ADAM12: variants seen among roughly 807,000 people sequenced by gnomAD.
The protein encoded by ADAM12 is disintegrin and metalloproteinase domain-containing protein 12.
Under a neutral mutation model 106.4 loss-of-function variants are expected in ADAM12, and 70 were observed. That is an observed-to-expected ratio of 0.66 (90% CI 0.54 to 0.80). The LOEUF is 0.80. ADAM12 is among the 30% of genes least tolerant of loss of function. ADAM12 has a pLI of 0.00. For synonymous variants in ADAM12, 420 were observed against 433.5 expected, an observed-to-expected ratio of 0.97 and a Z score of 0.39; for missense variants, 1,010 against 1,171.9, an observed-to-expected ratio of 0.86 and a Z score of 2.02.
chr10:126,276,798 C>T (rs1289863428), intron 3 of ADAM12, among the ~76,000 whole-genome samples: 1 of 152,114 alleles, frequency 6.6e-6, no homozygotes, highest in East Asian at 1.9e-4. Flanking sequence ...GAGATTATCT[C>T]ATGAAAGACT....
intron 1 of ADAM12, among the ~76,000 whole-genome samples, chr10:126,353,739 A>G: frequency 6.6e-6 from 1 of 152,250 alleles, no homozygotes; most frequent in East Asian, 1.9e-4. Flanking sequence ...GGTCCTGCTC[A>G]TGTATCTTTC....
intron 1 of ADAM12, among the ~76,000 whole-genome samples, chr10:126,384,452 C>T (rs930480354): frequency 2.0e-4 from 31 of 152,200 alleles, no homozygotes; most frequent in African/African-American, 6.7e-4. Flanking sequence ...TGATTCAACA[C>T]AGGAAGGATG....
At chr10:126,056,215 G>T in intron 14 of ADAM12, among the ~76,000 whole-genome samples, 1 of 152,194 alleles carries the variant, frequency 6.6e-6, no homozygotes. Context: ...ACATGAGGGA[G>T]TGAGGGATGC....
chr10:126,258,201 C>A (rs1341266914), intron 3 of ADAM12, among the ~76,000 whole-genome samples: 1 of 152,176 alleles, frequency 6.6e-6, no homozygotes, highest in Non-Finnish European at 1.5e-5. Flanking sequence ...ATTCAGATTG[C>A]TTTCTGCACT....
intron 5 of ADAM12, among the ~76,000 whole-genome samples, chr10:126,134,569 T>G (rs1956369992): frequency 6.6e-6 from 1 of 152,192 alleles, no homozygotes; most frequent in Admixed American, 6.5e-5. Context: ...TACTTAGAGA[T>G]AAATCAGATG....
At chr10:126,318,393 C>T (rs1162888530) in intron 2 of ADAM12, among the ~76,000 whole-genome samples, 1 of 146,864 alleles carries the variant, frequency 6.8e-6, no homozygotes, top group East Asian at 2.1e-4. Flanking sequence ...CAGAGTCACT[C>T]TGTCATACAC....
chr10:126,270,579 T>C (rs1959170127), intron 3 of ADAM12, among the ~76,000 whole-genome samples: 2 of 152,128 alleles, frequency 1.3e-5, no homozygotes, highest in Non-Finnish European at 2.9e-5. Context: ...CTAAGTAAAG[T>C]GTGAATATAA....
At chr10:126,132,531 C>CG (rs1414379440) in intron 5 of ADAM12, among the ~76,000 whole-genome samples, 7 of 140,080 alleles carry the variant, frequency 5.0e-5, no homozygotes, top group Non-Finnish European at 1.1e-4. Context: ...AACACCCCCC[C>CG]CCCCTCAACT....
rs1211008630 is a variant in ADAM12, at chr10:126,014,712, A to G, written c.*2567T>C. On this transcript the variant is annotated 3_prime_UTR_variant, in exon 23 of 23. Transcript: ENST00000448723. Reference sequence around the variant, plus strand: ...AAGTGAGGTCATAGAACCTACAACTATAATAAGCTGTAGGAAGAAAAGTAG... The same window carrying G: ...AAGTGAGGTCATAGAACCTACAACTGTAATAAGCTGTAGGAAGAAAAGTAG... The G allele has an allele frequency of 6.6e-6, 1 of 152,154 alleles. No homozygotes were observed. The highest frequency in any genetic ancestry group is 1.9e-4 in the East Asian group (1 of 5,184). 9.4% of individuals were successfully genotyped at this position (152,154 alleles called of 1,614,324 possible).
chr10:126,191,860 T>C (rs1957507717), intron 3 of ADAM12, among the ~76,000 whole-genome samples: 1 of 152,184 alleles, frequency 6.6e-6, no homozygotes, highest in African/African-American at 2.4e-5. Context: ...AATTGGCTCA[T>C]GGTTCTACAG....
rs192180121 is a variant in ADAM12, at chr10:126,179,964, A to T, written c.261-24659T>A. 3.5e-4 allele frequency among the ~76,000 whole-genome samples: 54 copies of T among 152,212 alleles called. No homozygotes were observed. The East Asian group carries it at 9.3e-3, about 26-fold the overall frequency. ...TTGCCTTCAAAGAAGGTCTTTCCCA[A>T]TTTTTACAATAAACCAATGCAAAAA... On this transcript the variant is annotated intron_variant, in intron 3 of 22. Transcript: ENST00000448723.
In ADAM12 at chr10:126,043,163, G is replaced by A; in HGVS notation, c.1996-15C>T. 1 of 1,612,946 alleles carries A rather than the reference G, an allele frequency of 6.2e-7. No individual in the cohort carries two copies. The highest frequency in any genetic ancestry group is 8.5e-7 in the Non-Finnish European group (1 of 1,179,216). On this transcript the variant is annotated splice_polypyrimidine_tract_variant and intron_variant, in intron 17 of 22. Transcript: ENST00000448723. The surrounding 1 kb of genome is among the most constrained non-coding windows in gnomAD (Gnocchi z 4.1). ...TTGTTGCACACCTTTCAGGGCAGAG[G>A]GGAGGGACGTGGGGTTAGGGCATAT...
At chr10:126,089,705 C>G (rs1243572647) in intron 11 of ADAM12, among the ~76,000 whole-genome samples, 1 of 152,142 alleles carries the variant, frequency 6.6e-6, no homozygotes, top group East Asian at 1.9e-4. Flanking sequence ...CCCAGCATCA[C>G]TTCCCTCCAG....
chr10:126,152,388 A>G (rs1281941331), intron 4 of ADAM12, among the ~76,000 whole-genome samples: 2 of 152,020 alleles, frequency 1.3e-5, no homozygotes, highest in African/African-American at 4.8e-5. Flanking sequence ...GGATTCTGCC[A>G]TTTATCACTT....
intron 11 of ADAM12, among the ~76,000 whole-genome samples, chr10:126,080,476 G>C (rs149971861): frequency 1.3e-5 from 2 of 152,152 alleles, no homozygotes; most frequent in Non-Finnish European, 2.9e-5. Flanking sequence ...CCTTTAGCAC[G>C]ATCCTTTCCC....
intron 3 of ADAM12, among the ~76,000 whole-genome samples, chr10:126,245,964 A>G (rs1312140962): frequency 6.6e-6 from 1 of 152,170 alleles, no homozygotes; most frequent in Non-Finnish European, 1.5e-5. Flanking sequence ...GAATGGATGG[A>G]TGAACAGATA....
chr10:126,063,188 C>T (rs984654867), intron 14 of ADAM12, among the ~76,000 whole-genome samples: 11 of 152,162 alleles, frequency 7.2e-5, no homozygotes, highest in Non-Finnish European at 1.0e-4. Flanking sequence ...CCTGCCCACG[C>T]GCATCCCTGA....
At position 126,015,541 on chromosome 10, in the gene ADAM12, G is replaced by C. The variant is rs1275272784; in HGVS notation, c.*1738C>G. 6.6e-6 allele frequency: 1 copy of C among 152,220 alleles called. No individual in the cohort carries two copies. The highest frequency in any genetic ancestry group is 6.5e-5 in the Admixed American group (1 of 15,284). 9.4% of individuals were successfully genotyped at this position (152,220 alleles called of 1,614,324 possible). ...AGATGCATGCTATACGAGTTGGAAT[G>C]TATTAGAGCTGGGTTCCCTTTTGTG... On this transcript the variant is annotated 3_prime_UTR_variant, in exon 23 of 23. Transcript: ENST00000448723.
chr10:126,183,446 G>A (rs2133788279), intron 3 of ADAM12, among the ~76,000 whole-genome samples: 1 of 152,212 alleles, frequency 6.6e-6, no homozygotes, highest in East Asian at 1.9e-4. Context: ...CCTCGCCCCA[G>A]TCCCAGGATG....
Sources: gnomAD v4.1 joint callset for allele counts (sites outside exome capture counted in the v4.1 genomes callset) on GRCh38, gnomAD v4.1.1 for gene constraint, Gnocchi (gnomAD v3.1) non-coding constraint, MANE v1.5 for transcripts, NCBI Gene and HGNC (gene_info 2026-07-23, HGNC 2026-07-21) for gene names.